Variants in EPG5 observed in about 807,000 individuals in gnomAD.
EPG5 encodes the protein ectopic P granules protein 5 homolog.
Under a neutral mutation model 302.7 loss-of-function variants are expected in EPG5, and 159 were observed. That is an observed-to-expected ratio of 0.53 (90% CI 0.46 to 0.60). EPG5 has a LOEUF of 0.60. EPG5 is among the 20% of genes least tolerant of loss of function. The pLI is 0.00. For synonymous variants in EPG5, 1,158 were observed against 1,136.8 expected, an observed-to-expected ratio of 1.02 and a Z score of -0.37; for missense variants, 2,896 against 3,092.4, an observed-to-expected ratio of 0.94 and a Z score of 1.51.
chr18:45,855,999 C>T (rs1298464075), intron 42 of EPG5, among the ~76,000 whole-genome samples: 1 of 152,170 alleles, frequency 6.6e-6, no homozygotes. Flanking sequence ...GGCAGTTCCT[C>T]AACAAGTGAA....
chr18:45,840,387 C>T, the EPG5 span: 2 of 876,600 alleles, frequency 2.3e-6, no homozygotes. Context: ...CCTTGCAGCC[C>T]ACCAAGGCAC....
chr18:45,907,923 A>G lies in EPG5; in HGVS notation c.4329+35T>C, dbSNP rs1460745509. The G allele has an allele frequency of 5.9e-6, 4 of 678,426 alleles. No homozygotes were observed. The African/African-American group carries it at 7.7e-5, about 13-fold the overall frequency. The allele number at this position is 678,426 out of a possible 1,614,324, so 42.0% of individuals were successfully genotyped here. On this transcript the variant is annotated intron_variant, in intron 24 of 43. Transcript: ENST00000282041. ...TTCAAATTACATTCAGATATGCTAA[A>G]AAAAAAAAAAAAAAAAGGAGGGCTA...
chr18:45,895,116 G>A (rs1027035735), intron 27 of EPG5, among the ~76,000 whole-genome samples: 1 of 152,188 alleles, frequency 6.6e-6, no homozygotes, highest in African/African-American at 2.4e-5. Context: ...AACCAATATG[G>A]AAGCAACTTT....
intron 31 of EPG5, 49 bp from the exon 32 acceptor site, chr18:45,880,272 T>C (rs2145406716): frequency 6.7e-7 from 1 of 1,483,950 alleles, no homozygotes; most frequent in South Asian, 1.3e-5. Flanking sequence ...CCGAAAGGAA[T>C]ATTTTAACTT....
chr18:45,884,577 T>C (rs2049177691), intron 30 of EPG5, 40 bp downstream of exon 30: 1 of 1,525,780 alleles, frequency 6.6e-7, no homozygotes, highest in South Asian at 1.2e-5. Context: ...CAATCATTCC[T>C]ACGTTTCAAC....
chr18:45,918,533 A>C (rs1020677771), intron 16 of EPG5, among the ~76,000 whole-genome samples: 1 of 152,206 alleles, frequency 6.6e-6, no homozygotes, highest in Non-Finnish European at 1.5e-5. Context: ...ACTTCAAAGA[A>C]TCTATCCTTA....
chr18:45,870,990 A>C (rs2048860529), intron 35 of EPG5, among the ~76,000 whole-genome samples: 1 of 152,206 alleles, frequency 6.6e-6, no homozygotes, highest in Admixed American at 6.5e-5. Flanking sequence ...GCTTTTCTTT[A>C]AAATTTCTAA....
At chr18:45,820,328 C>T in the EPG5 span, among the ~76,000 whole-genome samples, 7 of 152,160 alleles carry the variant, frequency 4.6e-5, no homozygotes, top group African/African-American at 1.7e-4. Context: ...CACTCAAGTT[C>T]CCCATGTCAT....
chr18:45,837,300 G>C, the EPG5 span, among the ~76,000 whole-genome samples: 36 of 152,348 alleles, frequency 2.4e-4, no homozygotes, highest in South Asian at 6.6e-3. Flanking sequence ...AGTCGAGGGA[G>C]TGCAGGCCCT....
At chr18:45,824,476 G>A in the EPG5 span, among the ~76,000 whole-genome samples, 1 of 152,238 alleles carries the variant, frequency 6.6e-6, no homozygotes. Flanking sequence ...AACATGCTGG[G>A]ATTACAGGCG....
At chr18:45,802,676 C>T in the EPG5 span, among the ~76,000 whole-genome samples, 1 of 152,254 alleles carries the variant, frequency 6.6e-6, no homozygotes, top group South Asian at 2.1e-4. Flanking sequence ...TACTGCCTCT[C>T]CTCACCTTCT....
the EPG5 span, among the ~76,000 whole-genome samples, chr18:45,817,008 C>G: frequency 6.6e-6 from 1 of 152,172 alleles, no homozygotes; most frequent in Non-Finnish European, 1.5e-5. Flanking sequence ...AGTGAAGTAA[C>G]TCGGGAATGG....
chr18:45,934,874 T>TC lies in EPG5; in HGVS notation c.2191dup (p.Glu731GlyfsTer31), dbSNP rs1279294789. The TC allele has an allele frequency of 1.2e-6, 2 of 1,614,034 alleles. No homozygotes were observed. Among genetic ancestry groups the TC allele is most frequent in the African/African-American group, 2.7e-5 (2 of 74,902 alleles). Reference sequence around the variant, plus strand: ...GGAGAGCTGCTGCAGGTTCTCGCTCTCCACCTGGTGCATGAGGTAGAAGAG... The same window carrying TC: ...GGAGAGCTGCTGCAGGTTCTCGCTCTCCCACCTGGTGCATGAGGTAGAAGAG... On this transcript the variant is annotated frameshift_variant, in exon 11 of 44. Transcript: ENST00000282041. LOFTEE classifies it high-confidence loss of function.
rs1224083141 is a variant in EPG5 at position 45,849,076 on chromosome 18, C to T, written c.*3391G>A. ...TCCAGCCTGGGTGACAGATGAGACTCGTCTCAAAAAAAAAAAAAAAAAAAA... is the reference window on the plus strand; with the variant it reads ...TCCAGCCTGGGTGACAGATGAGACTTGTCTCAAAAAAAAAAAAAAAAAAAA... On this transcript the variant is annotated 3_prime_UTR_variant, in exon 44 of 44. Coordinates refer to ENST00000282041, the MANE Select transcript of EPG5 (RefSeq NM_020964.3). 8.8e-6 allele frequency: 1 copy of T among 113,804 alleles called. No individual in the cohort carries two copies. The highest frequency in any genetic ancestry group is 2.4e-4 in the East Asian group (1 of 4,100). The allele number at this position is 113,804 out of a possible 1,614,324, so 7.0% of individuals were successfully genotyped here.
the EPG5 span, among the ~76,000 whole-genome samples, chr18:45,839,995 C>T: frequency 2.0e-5 from 3 of 152,154 alleles, no homozygotes; most frequent in African/African-American, 4.8e-5. Context: ...CTCAGAAGAA[C>T]GGACTTTTTA....
intron 10 of EPG5, among the ~76,000 whole-genome samples, chr18:45,938,745 C>A (rs1299693156): frequency 1.3e-5 from 2 of 152,176 alleles, no homozygotes; most frequent in Non-Finnish European, 2.9e-5. Context: ...TCACCATCTC[C>A]GTTTTAGAAA....
In EPG5 at chr18:45,908,003, C is replaced by T. The variant is rs895491529; in HGVS notation, c.4284G>A (p.Lys1428=). The change falls in exon 24 of 44, where the codon AAG becomes AAA. Residue 1428 remains lysine (K), a synonymous_variant. Transcript: ENST00000282041. ...KGDTYIPSLP[K]HYDIHRLAKV... ...TTGCTAGCCTGTGAATATCATAATG[C>T]TTTGGTAGAGAAGGGATATAGGTAT... 3.1e-6 allele frequency: 5 copies of T among 1,597,714 alleles called. No homozygotes were observed. The highest frequency in any genetic ancestry group is 2.3e-5 in the South Asian group (2 of 87,214).
rs765833570 is a variant in EPG5, at chr18:45,952,499, T to C, written c.1153A>G (p.Thr385Ala). 2 of 1,614,224 alleles carry C rather than the reference T, an allele frequency of 1.2e-6. No individual in the cohort carries two copies. The highest frequency in any genetic ancestry group is 1.7e-5 in the Admixed American group (1 of 60,030). The part of the protein sequence containing the change: ...LHQTLALHSY[T>A]SVLSRLQVES... ...ACTTGCAATCTTGAGAGCACAGAAGTATAAGAATGAAGGGCCAGGGTCTGG... is the reference window on the plus strand; with the variant it reads ...ACTTGCAATCTTGAGAGCACAGAAGCATAAGAATGAAGGGCCAGGGTCTGG... Residue 385 changes from threonine to alanine, a missense_variant, in exon 3 of 44, where the codon ACT (threonine) becomes GCT (alanine). Coordinates refer to ENST00000282041, the MANE Select transcript of EPG5 (RefSeq NM_020964.3).
At chr18:45,832,766 C>T in the EPG5 span, among the ~76,000 whole-genome samples, 5 of 152,254 alleles carry the variant, frequency 3.3e-5, no homozygotes, top group Non-Finnish European at 5.9e-5. Context: ...CATAAGCTGC[C>T]AGAGGGAATT....
Sources: allele counts gnomAD v4.1 joint callset (sites outside exome capture counted in the v4.1 genomes callset), GRCh38; gene constraint gnomAD v4.1.1; transcripts MANE v1.5; gene names NCBI Gene and HGNC (gene_info 2026-07-23, HGNC 2026-07-21).